The following NCAPH variants were observed in gnomAD, a reference collection of about 807,000 sequenced individuals.
The protein encoded by NCAPH is non-SMC condensin I complex subunit H, also known as condensin complex subunit 2.
Under a neutral mutation model 85.5 loss-of-function variants are expected in NCAPH, and 38 were observed. The ratio of observed to expected loss-of-function variants is 0.44; its 90% CI spans 0.34 to 0.58. The LOEUF (loss-of-function observed/expected upper bound fraction) is 0.58, where lower values mean the gene tolerates loss of function less well. Among genes scored for constraint, NCAPH ranks in the 20% least tolerant of loss-of-function variants. NCAPH has a pLI of 0.01. For synonymous variants in NCAPH, 301 were observed against 335.1 expected, an observed-to-expected ratio of 0.90 and a Z score of 1.11; for missense variants, 789 against 916.6, an observed-to-expected ratio of 0.86 and a Z score of 1.80.
At chr2:96,362,313 A>G (rs752870083) in intron 12 of NCAPH, among the ~76,000 whole-genome samples, 1 of 151,942 alleles carries the variant, frequency 6.6e-6, no homozygotes, top group Non-Finnish European at 1.5e-5. Context: ...TCTGACTCTT[A>G]TGGATGATTT....
intron 10 of NCAPH, among the ~76,000 whole-genome samples, chr2:96,359,679 G>A (rs1036117941): frequency 1.3e-5 from 2 of 152,258 alleles, no homozygotes; most frequent in African/African-American, 4.8e-5. Flanking sequence ...AGGCTGAAGT[G>A]CAGTGGTGAA....
At chr2:96,366,131 G>A (rs1019889205) in intron 14 of NCAPH, 73 bp downstream of exon 14, 26 of 1,476,206 alleles carry the variant, frequency 1.8e-5, no homozygotes, top group Admixed American at 9.8e-5. Context: ...TGAGAGTCAC[G>A]CAATCTGAGC....
chr2:96,359,067 G>T lies in NCAPH; in HGVS notation c.1231G>T (p.Asp411Tyr). Reference protein sequence around the residue: ...SCQEEMISLGDGDIRTMCPLL... With the variant: ...SCQEEMISLGYGDIRTMCPLL... ...CAGGGAAGAAATGATTTCCCTTGGG[G>T]ATGGAGACATCAGGACCATGTGCCC... is the stretch of plus-strand genomic sequence containing the variant. Residue 411 changes from aspartate to tyrosine, a missense_variant, in exon 10 of 18, where the codon GAT becomes TAT. Coordinates refer to ENST00000240423, the MANE Select transcript of NCAPH (RefSeq NM_015341.5). 1 of 1,614,168 alleles carries T rather than the reference G, an allele frequency of 6.2e-7. No homozygotes were observed. The highest frequency in any genetic ancestry group is 1.3e-5 in the African/African-American group (1 of 75,052).
intron 15 of NCAPH, among the ~76,000 whole-genome samples, chr2:96,368,583 G>C (rs527591490): frequency 3.9e-5 from 6 of 152,228 alleles, no homozygotes; most frequent in Non-Finnish European, 8.8e-5. Context: ...CCTGAACCCG[G>C]GAGGTGGAGC....
chr2:96,337,610 G>C (rs2064232298), intron 1 of NCAPH, among the ~76,000 whole-genome samples: 1 of 152,130 alleles, frequency 6.6e-6, no homozygotes, highest in Non-Finnish European at 1.5e-5. Context: ...AGTAGGAACG[G>C]GGTTTCACCG....
chr2:96,353,300 C>T lies in NCAPH; in HGVS notation c.911-6C>T. On this transcript the variant is annotated splice_polypyrimidine_tract_variant and splice_region_variant and intron_variant, in intron 7 of 17. Coordinates refer to ENST00000240423, the MANE Select transcript of NCAPH (RefSeq NM_015341.5). ...TCTCTCTTTGTGATCTTGCTATCCT[C>T]TCCAGCGCCCTTGCAGCAGTGTGCA... 6.2e-7 allele frequency: 1 copy of T among 1,613,868 alleles called. No homozygotes were observed. The highest frequency in any genetic ancestry group is 8.5e-7 in the Non-Finnish European group (1 of 1,179,728).
At chr2:96,358,558 T>C (rs1031244323) in intron 9 of NCAPH, among the ~76,000 whole-genome samples, 4 of 152,100 alleles carry the variant, frequency 2.6e-5, no homozygotes, top group Non-Finnish European at 4.4e-5. Context: ...AAGCTCCACC[T>C]CCTGGGTTCA....
rs751000199 is a variant in NCAPH, at chr2:96,359,163, G to A, written c.1327G>A (p.Asp443Asn). 1.2e-6 allele frequency: 2 copies of A among 1,614,182 alleles called. 1 individual carries two copies. ...PRTMSMWAGP[D>N]HWRFRPRRKQ... ...GACCATGTCGATGTGGGCTGGCCCG[G>A]ATCACTGGCGCTTTAGGCCTCGACG... Residue 443 changes from aspartate (D) to asparagine (N), a missense_variant, in exon 10 of 18, where the codon GAT (aspartate) becomes AAT (asparagine). Coordinates refer to ENST00000240423, the MANE Select transcript of NCAPH (RefSeq NM_015341.5).
intron 4 of NCAPH, 90 bp downstream of exon 4, chr2:96,342,938 A>C: frequency 8.1e-7 from 1 of 1,241,872 alleles, no homozygotes; most frequent in Non-Finnish European, 1.2e-6. Flanking sequence ...CTGCAAATAC[A>C]TGAGAGACTT....
chr2:96,353,504 A>T (rs887639393), intron 8 of NCAPH, 107 bp downstream of exon 8: 163 of 999,382 alleles, frequency 1.6e-4, no homozygotes, highest in Non-Finnish European at 2.2e-4. Context: ...CCAGGAGTAC[A>T]GAAAATATTT....
chr2:96,360,779 G>A (rs948012835), intron 12 of NCAPH, 69 bp downstream of exon 12: 2 of 1,575,102 alleles, frequency 1.3e-6, no homozygotes, highest in East Asian at 4.5e-5. Context: ...CAGTTAGGCA[G>A]TGCCTTTGAG....
At chr2:96,365,395 C>T (rs2064682586) in intron 13 of NCAPH, among the ~76,000 whole-genome samples, 1 of 151,860 alleles carries the variant, frequency 6.6e-6, no homozygotes, top group Non-Finnish European at 1.5e-5. Flanking sequence ...TGACCTGTGT[C>T]CCCCCACCCC....
In NCAPH at chr2:96,354,399, C is replaced by T. The variant is rs781274442; in HGVS notation, c.1208+11C>T. 7 of 1,544,130 alleles carry T rather than the reference C, an allele frequency of 4.5e-6. No homozygotes were observed. Among genetic ancestry groups the T allele is most frequent in the Non-Finnish European group, 6.1e-6 (7 of 1,143,418 alleles). ...GGTTCAGAGCTGCCAGTAAGGCTCTCAGAGTCCGAAAGTGTTTCTATAGGA... is the reference window on the plus strand; with the variant it reads ...GGTTCAGAGCTGCCAGTAAGGCTCTTAGAGTCCGAAAGTGTTTCTATAGGA... On this transcript the variant is annotated intron_variant, in intron 9 of 17. Coordinates refer to ENST00000240423, the MANE Select transcript of NCAPH (RefSeq NM_015341.5).
chr2:96,358,756 C>A (rs2104469005), intron 9 of NCAPH, among the ~76,000 whole-genome samples: 1 of 152,294 alleles, frequency 6.6e-6, no homozygotes, highest in African/African-American at 2.4e-5. Context: ...GCGTGAGCCA[C>A]CGCGCCCAGC....
intron 9 of NCAPH, among the ~76,000 whole-genome samples, chr2:96,357,624 C>T (rs1337715609): frequency 6.6e-6 from 1 of 152,152 alleles, no homozygotes; most frequent in East Asian, 1.9e-4. Context: ...TAATAACATG[C>T]TAGGTATCAG....
rs150799420 is a variant in NCAPH at position 96,376,655 on chromosome 2, G to A, written c.*3304G>A. Among the ~76,000 whole-genome samples the A allele has an allele frequency of 1.5e-3, 228 of 152,292 alleles. No homozygotes were observed. Among genetic ancestry groups the A allele is most frequent in the African/African-American group, 5.2e-3 (216 of 41,552 alleles). On this transcript the variant is annotated 3_prime_UTR_variant, in exon 18 of 18. Transcript: ENST00000240423. ...CATTTCAACACCACAAGGATTTGCA[G>A]CATCTGCGGCAACGAGTTTGGTGTC... is the stretch of plus-strand genomic sequence containing the variant.
intron 16 of NCAPH, 45 bp from the exon 17 acceptor site, chr2:96,369,372 GCTTTTGTT>G (rs2064742230): frequency 6.9e-7 from 1 of 1,458,802 alleles, no homozygotes; most frequent in Non-Finnish European, 9.6e-7. Flanking sequence ...TGATGAACGA[GCTTTTGTT>G]CTAACAGTTG....
intron 9 of NCAPH, among the ~76,000 whole-genome samples, chr2:96,356,722 T>A (rs2064529707): frequency 6.6e-6 from 1 of 152,114 alleles, no homozygotes; most frequent in African/African-American, 2.4e-5. Context: ...GACATCACGT[T>A]ACCATCCCCG....
Position 96,335,908 on chromosome 2 carries a change from C to T in NCAPH, c.19+60C>T, listed in dbSNP as rs914896022. The T allele has an allele frequency of 1.8e-5, 25 of 1,382,458 alleles. No homozygotes were observed. In the African/African-American group the frequency reaches 2.2e-4, roughly 12 times the overall value. 85.6% of individuals were successfully genotyped at this position (1,382,458 alleles called of 1,614,324 possible). On this transcript the variant is annotated intron_variant, in intron 1 of 17. Transcript: ENST00000240423. Reference sequence around the variant, plus strand: ...GCCCCTAGCGAAGCAGTACTTCGGGCGGGCAGGGCTGGCGGGCTGGCCTGG... The same window carrying T: ...GCCCCTAGCGAAGCAGTACTTCGGGTGGGCAGGGCTGGCGGGCTGGCCTGG...
Sources: allele counts gnomAD v4.1 joint callset (sites outside exome capture counted in the v4.1 genomes callset), GRCh38; gene constraint gnomAD v4.1.1; transcripts MANE v1.5; gene names NCBI Gene and HGNC (gene_info 2026-07-23, HGNC 2026-07-21).